The following ETV6 variants were observed in gnomAD, a reference collection of about 807,000 sequenced individuals.
ETV6 encodes ETS variant transcription factor 6, also known as transcription factor ETV6.
Under a neutral mutation model 51.1 loss-of-function variants are expected in ETV6, and 16 were observed. The observed-to-expected ratio is 0.31, with a 90% CI of 0.21 to 0.48. The LOEUF (loss-of-function observed/expected upper bound fraction) is 0.48. ETV6 is among the 20% of genes least tolerant of loss of function. The pLI, the probability that ETV6 is intolerant of heterozygous loss-of-function variation, is 0.99. For missense variants in ETV6, 458 were observed against 594.8 expected (o/e 0.77, Z 2.39); for synonymous variants, 240 against 224.1 (o/e 1.07, Z -0.64).
chr12:11,759,648 T>C (rs762533992), intron 2 of ETV6, among the ~76,000 whole-genome samples: 1 of 152,190 alleles, frequency 6.6e-6, no homozygotes, highest in Non-Finnish European at 1.5e-5. Flanking sequence ...CCTCAATACG[T>C]CTGTGGTCTT....
intron 2 of ETV6, among the ~76,000 whole-genome samples, chr12:11,756,399 C>G (rs1309884218): frequency 6.6e-6 from 1 of 152,152 alleles, no homozygotes; most frequent in East Asian, 1.9e-4. Flanking sequence ...TCTTCTTCCT[C>G]TTCTTCCATA....
chr12:11,689,773 C>T (rs74062383), intron 1 of ETV6, among the ~76,000 whole-genome samples: 5,161 of 147,786 alleles, frequency 0.035, 172 homozygotes, highest in East Asian at 0.088. Context: ...GCAGATTCTT[C>T]AGAATCATTT....
At chr12:11,759,076 T>C (rs1052186884) in intron 2 of ETV6, among the ~76,000 whole-genome samples, 2 of 152,146 alleles carry the variant, frequency 1.3e-5, no homozygotes, top group Non-Finnish European at 2.9e-5. Flanking sequence ...TCTGAAAGAA[T>C]TTCCGATGCA....
At chr12:11,694,603 A>C (rs2120810880) in intron 1 of ETV6, among the ~76,000 whole-genome samples, 1 of 152,366 alleles carries the variant, frequency 6.6e-6, no homozygotes, top group Non-Finnish European at 1.5e-5. Flanking sequence ...ACAGTACTTT[A>C]AAATATCTCC....
chr12:11,853,532 A>C lies in ETV6; in HGVS notation c.434A>C (p.Glu145Ala). Residue 145 changes from glutamate to alanine, a missense_variant, in exon 4 of 8, where the codon GAG becomes GCG. Glu to Ala is a moderately radical substitution (Grantham distance 107). Transcript: ENST00000396373. ...HPGNSIHTQP[E>A]VILHQNHEED... ...GGAAACTCTATACACACACAGCCGG[A>C]GGTCATACTGCATCAGAACCATGAA... is the stretch of plus-strand genomic sequence containing the variant. 6.2e-7 allele frequency: 1 copy of C among 1,614,256 alleles called. No individual in the cohort carries two copies. The highest frequency in any genetic ancestry group is 8.5e-7 in the Non-Finnish European group (1 of 1,180,038).
intron 4 of ETV6, among the ~76,000 whole-genome samples, chr12:11,861,287 C>T (rs1946712846): frequency 6.6e-6 from 1 of 152,144 alleles, no homozygotes; most frequent in Non-Finnish European, 1.5e-5. Context: ...ACCTTTTTCC[C>T]CTGACCCAGC....
At chr12:11,848,094 T>C (rs1486765691) in intron 3 of ETV6, among the ~76,000 whole-genome samples, 2 of 152,240 alleles carry the variant, frequency 1.3e-5, no homozygotes, top group Admixed American at 1.3e-4. Context: ...TTGTGAGACA[T>C]GTCTGTTCAC....
chr12:11,752,789 T>C, intron 2 of ETV6: 1 of 472,146 alleles, frequency 2.1e-6, no homozygotes, highest in Admixed American at 3.8e-5. Flanking sequence ...TATTCATTTC[T>C]TCCCTGACTA....
At chr12:11,676,809 T>C (rs1864429728) in intron 1 of ETV6, among the ~76,000 whole-genome samples, 1 of 152,156 alleles carries the variant, frequency 6.6e-6, no homozygotes, top group Non-Finnish European at 1.5e-5. Flanking sequence ...TAAATATCTG[T>C]TGATTGAAGG....
intron 5 of ETV6, among the ~76,000 whole-genome samples, chr12:11,881,606 C>G (rs1757438609): frequency 2.0e-5 from 3 of 152,194 alleles, no homozygotes. Context: ...TTTAAAAGGG[C>G]ACTAATCCCA....
At chr12:11,772,433 C>G (rs1232408512) in intron 2 of ETV6, among the ~76,000 whole-genome samples, 1 of 152,124 alleles carries the variant, frequency 6.6e-6, no homozygotes, top group Non-Finnish European at 1.5e-5. Flanking sequence ...AGGTCTGTGC[C>G]CATGCCTGGC....
chr12:11,681,576 TATC>T (rs1864532201), intron 1 of ETV6, among the ~76,000 whole-genome samples: 1 of 152,156 alleles, frequency 6.6e-6, no homozygotes, highest in Non-Finnish European at 1.5e-5. Context: ...TTATTATTAT[TATC>T]ATTTATTATT....
At chr12:11,818,579 C>A (rs1473740514) in intron 2 of ETV6, among the ~76,000 whole-genome samples, 1 of 150,238 alleles carries the variant, frequency 6.7e-6, no homozygotes, top group African/African-American at 2.4e-5. Flanking sequence ...AGGAAGATTT[C>A]TCTGGGCACA....
intron 3 of ETV6, among the ~76,000 whole-genome samples, chr12:11,842,223 T>C (rs1946402772): frequency 6.6e-6 from 1 of 152,160 alleles, no homozygotes; most frequent in South Asian, 2.1e-4. Flanking sequence ...GCTTGTCTGA[T>C]TGCCTCCTCA....
intron 1 of ETV6, among the ~76,000 whole-genome samples, chr12:11,747,123 C>T (rs1006605009): frequency 6.6e-6 from 1 of 152,132 alleles, no homozygotes; most frequent in African/African-American, 2.4e-5. Context: ...CTGAGTGGGC[C>T]ATCTGGGTAA....
rs954886419 is a variant in ETV6, at chr12:11,682,318, T to C, written c.33+32158T>C. 1.2e-4 allele frequency among the ~76,000 whole-genome samples: 18 copies of C among 152,234 alleles called. 1 individual carries two copies. Among genetic ancestry groups the C allele is most frequent in the Non-Finnish European group, 4.4e-5 (3 of 68,040 alleles). On this transcript the variant is annotated intron_variant, in intron 1 of 7. Coordinates refer to ENST00000396373, the MANE Select transcript of ETV6 (RefSeq NM_001987.5). ...TGATTTGCATTTCTGTAATGACCAG[T>C]GATGATGAGCTTTTTTTCGTATGTT...
chr12:11,861,455 G>A (rs918144491), intron 4 of ETV6, among the ~76,000 whole-genome samples: 2 of 151,514 alleles, frequency 1.3e-5, no homozygotes, highest in Non-Finnish European at 2.9e-5. Context: ...GGACTGGATT[G>A]TGCAGAGACC....
chr12:11,891,440 C>T lies in ETV6; in HGVS notation c.*394C>T. ...GGGGAAGACATCTGATGTTGTTTTC[C>T]TATGGAAATATATATCTATTATATA... On this transcript the variant is annotated 3_prime_UTR_variant, in exon 8 of 8. Coordinates refer to ENST00000396373, the MANE Select transcript of ETV6 (RefSeq NM_001987.5). 2.7e-6 allele frequency: 1 copy of T among 373,060 alleles called. No homozygotes were observed. Among genetic ancestry groups the T allele is most frequent in the Non-Finnish European group, 5.0e-6 (1 of 200,558 alleles). 23.1% of individuals were successfully genotyped at this position (373,060 alleles called of 1,614,324 possible).
chr12:11,676,562 C>T (rs1174815856), intron 1 of ETV6, among the ~76,000 whole-genome samples: 1 of 152,026 alleles, frequency 6.6e-6, no homozygotes. Context: ...AACACTCCTT[C>T]TATCTCTCTT....
Sources: allele counts gnomAD v4.1 joint callset (sites outside exome capture counted in the v4.1 genomes callset), GRCh38; gene constraint gnomAD v4.1.1; transcripts MANE v1.5; gene names NCBI Gene and HGNC (gene_info 2026-07-23, HGNC 2026-07-21).